FRAS1: variants seen among roughly 807,000 people sequenced by gnomAD.
FRAS1 encodes the protein extracellular matrix organizing protein FRAS1.
FRAS1 carries 290 observed loss-of-function variants against 435.2 expected under a neutral mutation model. The observed-to-expected ratio is 0.67, with a 90% CI of 0.61 to 0.73. The LOEUF (loss-of-function observed/expected upper bound fraction) is 0.73, where lower values mean the gene tolerates loss of function less well. Among genes scored for constraint, FRAS1 ranks in the 30% least tolerant of loss-of-function variants. The pLI is 0.00. For synonymous variants in FRAS1, 1,800 were observed against 1,851.0 expected (o/e 0.97, Z 0.71); for missense variants, 4,860 against 5,001.5 (o/e 0.97, Z 0.85).
At chr4:78,202,305 A>T (rs1045107585) in intron 2 of FRAS1, among the ~76,000 whole-genome samples, 2 of 152,194 alleles carry the variant, frequency 1.3e-5, no homozygotes, top group African/African-American at 4.8e-5. Flanking sequence ...GTGCCCCCTC[A>T]TTAAGCCCAC....
rs370233657 is a variant in FRAS1 at position 78,237,579 on chromosome 4, C to T, written c.178C>T (p.Pro60Ser). The change falls in exon 3 of 74, where the codon CCT becomes TCT. Residue 60 changes from proline to serine, a missense_variant. Physicochemically the swap from Pro to Ser is moderately conservative, Grantham distance 74 (BLOSUM62 -1). Coordinates refer to ENST00000512123, the MANE Select transcript of FRAS1 (RefSeq NM_025074.7). ...RCHGDIVICK[P>S]AVCRNPQCAF... ...CCATGGTGATATTGTTATCTGCAAA[C>T]CTGCTGTTTGCAGAAACCCTCAATG... 4 of 1,612,176 alleles carry T rather than the reference C, an allele frequency of 2.5e-6. No individual in the cohort carries two copies. The highest frequency in any genetic ancestry group is 2.5e-6 in the Non-Finnish European group (3 of 1,178,900).
At chr4:78,093,374 T>C (rs542827918) in intron 2 of FRAS1, among the ~76,000 whole-genome samples, 1 of 152,362 alleles carries the variant, frequency 6.6e-6, no homozygotes, top group Admixed American at 6.5e-5. Context: ...TAAGTATAAA[T>C]TGAAGTGAAT....
intron 14 of FRAS1, among the ~76,000 whole-genome samples, chr4:78,307,829 G>A (rs529572228): frequency 1.3e-5 from 2 of 152,314 alleles, no homozygotes; most frequent in South Asian, 2.1e-4. Flanking sequence ...CGTTGCTCAC[G>A]TTGGGAGCTG....
chr4:78,357,602 A>C (rs1237952952), intron 20 of FRAS1, among the ~76,000 whole-genome samples: 1 of 152,048 alleles, frequency 6.6e-6, no homozygotes, highest in Non-Finnish European at 1.5e-5. Flanking sequence ...GTTCCAATGC[A>C]CATTAAAGAA....
intron 2 of FRAS1, among the ~76,000 whole-genome samples, chr4:78,197,499 CA>C (rs1408369409): frequency 2.0e-5 from 3 of 152,102 alleles, no homozygotes; most frequent in African/African-American, 7.2e-5. Context: ...ATTATCTTCT[CA>C]AGGGATGCAT....
chr4:78,517,595 T>C (rs987605492), intron 66 of FRAS1, among the ~76,000 whole-genome samples: 2 of 152,228 alleles, frequency 1.3e-5, no homozygotes, highest in Non-Finnish European at 1.5e-5. Flanking sequence ...TAAGGCCTAG[T>C]TGGTACCTTT....
At chr4:78,210,491 C>T (rs189437369) in intron 2 of FRAS1, among the ~76,000 whole-genome samples, 46 of 152,294 alleles carry the variant, frequency 3.0e-4, no homozygotes, top group Admixed American at 5.9e-4. Flanking sequence ...ATATCTCTTA[C>T]GAAGGTGCCC....
chr4:78,118,791 C>T (rs2109959189), intron 2 of FRAS1, among the ~76,000 whole-genome samples: 1 of 152,280 alleles, frequency 6.6e-6, no homozygotes, highest in Middle Eastern at 3.4e-3. Context: ...CCTCACCCTC[C>T]TTCGGCTTGC....
intron 14 of FRAS1, 53 bp from the exon 15 acceptor site, chr4:78,308,013 T>G: frequency 6.6e-7 from 1 of 1,520,884 alleles, no homozygotes; most frequent in Non-Finnish European, 8.8e-7. Flanking sequence ...AGAAAAATGA[T>G]GACCAGTCCT....
chr4:78,081,545 G>C (rs1234442485), intron 2 of FRAS1, among the ~76,000 whole-genome samples: 1 of 152,060 alleles, frequency 6.6e-6, no homozygotes, highest in Admixed American at 6.6e-5. Flanking sequence ...GGAAAGGAGA[G>C]GGGTAAGGGG....
At chr4:78,121,051 T>C (rs1718988937) in intron 2 of FRAS1, among the ~76,000 whole-genome samples, 1 of 152,152 alleles carries the variant, frequency 6.6e-6, no homozygotes, top group Non-Finnish European at 1.5e-5. Flanking sequence ...ACTTTACCTC[T>C]CTGGGCTACC....
chr4:78,479,685 G>A lies in FRAS1; in HGVS notation c.8410G>A (p.Gly2804Ser). The change falls in exon 56 of 74, where the codon GGC becomes AGC. Residue 2804 changes from glycine (G) to serine (S), a missense_variant. Gly to Ser is a moderately conservative substitution (Grantham distance 56). Coordinates refer to ENST00000512123, the MANE Select transcript of FRAS1 (RefSeq NM_025074.7). ...CAACGATGCCTCGACTGTGTCCCTG[G>A]GCAACACGGCTTTCACTGTCAGTGA... ...GPNDASTVSL[G>S]NTAFTVSEDA... 6.2e-7 allele frequency: 1 copy of A among 1,600,740 alleles called. No homozygotes were observed. Among genetic ancestry groups the A allele is most frequent in the Non-Finnish European group, 8.5e-7 (1 of 1,171,324 alleles).
intron 16 of FRAS1, 108 bp from the exon 17 acceptor site, chr4:78,317,260 T>G: frequency 1.4e-5 from 17 of 1,252,722 alleles, no homozygotes; most frequent in Non-Finnish European, 1.9e-5. Context: ...TGGTTTGGTG[T>G]GACATCCACA....
chr4:78,180,955 C>T lies in FRAS1; in HGVS notation c.109-56555C>T, dbSNP rs1439813911. On this transcript the variant is annotated intron_variant, in intron 2 of 73. Transcript: ENST00000512123. The stretch of plus-strand genomic sequence containing the variant: ...GTCCTGCTGCCACGGTTTGGGCGCC[C>T]ACCACGCCCATGTCCACCTTGTCCT... 1.9e-6 allele frequency: 3 copies of T among 1,610,460 alleles called. No homozygotes were observed. In the African/African-American group the frequency reaches 4.0e-5, roughly 22 times the overall value.
chr4:78,437,105 A>C (rs973531819), intron 38 of FRAS1, among the ~76,000 whole-genome samples: 1 of 152,200 alleles, frequency 6.6e-6, no homozygotes, highest in African/African-American at 2.4e-5. Flanking sequence ...TACTTTCAGG[A>C]AAAAAGTCTA....
intron 2 of FRAS1, among the ~76,000 whole-genome samples, chr4:78,186,938 A>T (rs1722297097): frequency 6.6e-6 from 1 of 152,154 alleles, no homozygotes; most frequent in African/African-American, 2.4e-5. Flanking sequence ...CTTCTCTCCA[A>T]ATCTTTGAGC....
intron 20 of FRAS1, among the ~76,000 whole-genome samples, chr4:78,338,785 G>T (rs113664586): frequency 6.6e-6 from 1 of 152,212 alleles, no homozygotes; most frequent in East Asian, 1.9e-4. Context: ...TCGGCTGTTC[G>T]GTCTGGTGGA....
At chr4:78,067,850 C>T (rs1223251081) in intron 2 of FRAS1, among the ~76,000 whole-genome samples, 2 of 147,042 alleles carry the variant, frequency 1.4e-5, no homozygotes, top group East Asian at 2.0e-4. Flanking sequence ...CACACCACCA[C>T]ACCCAGCCAA....
At chr4:78,440,292 A>G (rs1734609565) in intron 40 of FRAS1, among the ~76,000 whole-genome samples, 1 of 151,998 alleles carries the variant, frequency 6.6e-6, no homozygotes, top group Admixed American at 6.6e-5. Context: ...TCGGCCTCCC[A>G]AAGTGCTGGG....
Sources: allele counts gnomAD v4.1 joint callset (sites outside exome capture counted in the v4.1 genomes callset), GRCh38; gene constraint gnomAD v4.1.1; transcripts MANE v1.5; gene names NCBI Gene and HGNC (gene_info 2026-07-23, HGNC 2026-07-21).